The following RBFOX1 variants were observed in gnomAD, a reference collection of about 807,000 sequenced individuals.
The protein encoded by RBFOX1 is RNA binding protein fox-1 homolog 1.
A neutral mutation model predicts 57.7 loss-of-function variants in RBFOX1; 8 were observed. The ratio of observed to expected loss-of-function variants is 0.14; its 90% CI spans 0.08 to 0.25. The LOEUF is 0.25. Among genes scored for constraint, RBFOX1 ranks in the 10% least tolerant of loss-of-function variants. RBFOX1 has a pLI of 1.00. For missense variants in RBFOX1, 611 were observed against 548.5 expected (o/e 1.11, Z -1.14); for synonymous variants, 326 against 222.4 (o/e 1.47, Z -4.15).
At chr16:7,565,196 C>A (rs1457014517) in intron 5 of RBFOX1, among the ~76,000 whole-genome samples, 1 of 151,992 alleles carries the variant, frequency 6.6e-6, no homozygotes, top group African/African-American at 2.4e-5. Context: ...CACAATCTTG[C>A]TTCGTTTTAA....
chr16:6,961,269 C>T (rs1237518218), intron 3 of RBFOX1, among the ~76,000 whole-genome samples: 1 of 152,158 alleles, frequency 6.6e-6, no homozygotes, highest in East Asian at 1.9e-4. Context: ...CCTGGGGAGA[C>T]CCCACCAGAG....
chr16:5,542,503 C>T (rs775026850), intron 2 of RBFOX1, among the ~76,000 whole-genome samples: 2 of 151,706 alleles, frequency 1.3e-5, no homozygotes, highest in Non-Finnish European at 2.9e-5. Flanking sequence ...GTGATCCACC[C>T]GCCTCGGCCT....
At chr16:7,101,697 G>A (rs563092610) in intron 4 of RBFOX1, among the ~76,000 whole-genome samples, 5 of 152,234 alleles carry the variant, frequency 3.3e-5, no homozygotes, top group African/African-American at 1.2e-4. Context: ...TTCAAGTAGG[G>A]TGATTTTTTA....
At chr16:7,453,303 G>A (rs1242926736) in intron 4 of RBFOX1, among the ~76,000 whole-genome samples, 1 of 152,060 alleles carries the variant, frequency 6.6e-6, no homozygotes, top group East Asian at 1.9e-4. Flanking sequence ...AGATCCTGTG[G>A]TAGGAAGGAC....
chr16:7,504,737 A>ATT (rs1555526321), intron 4 of RBFOX1, among the ~76,000 whole-genome samples: 443 of 6,462 alleles, frequency 0.069, 20 homozygotes, highest in Non-Finnish European at 0.16. Flanking sequence ...ATATATATAT[A>ATT]TATATATATA....
intron 3 of RBFOX1, among the ~76,000 whole-genome samples, chr16:6,655,407 C>G (rs1246056095): frequency 3.1e-5 from 2 of 64,302 alleles, no homozygotes; most frequent in South Asian, 5.3e-4. Flanking sequence ...AAAAAAAGAG[C>G]TCGCGCTCAA....
intron 1 of RBFOX1, among the ~76,000 whole-genome samples, chr16:6,176,242 T>G (rs34881674): frequency 0.13 from 20,076 of 151,526 alleles, 2,067 homozygotes; most frequent in African/African-American, 0.28. Context: ...GCCTCCCCAG[T>G]TCAAGTAATT....
intron 4 of RBFOX1, among the ~76,000 whole-genome samples, chr16:5,989,594 G>A (rs1420721382): frequency 1.3e-5 from 2 of 152,058 alleles, no homozygotes; most frequent in Non-Finnish European, 2.9e-5. Context: ...GGGTGCTGGC[G>A]ATGTGGGTGG....
chr16:7,653,142 G>A (rs781080354), intron 11 of RBFOX1, among the ~76,000 whole-genome samples: 38 of 152,250 alleles, frequency 2.5e-4, no homozygotes, highest in Non-Finnish European at 4.6e-4. Context: ...AAATACACCT[G>A]TACATATATA....
At chr16:5,588,242 G>C (rs1425761083) in intron 2 of RBFOX1, among the ~76,000 whole-genome samples, 1 of 152,154 alleles carries the variant, frequency 6.6e-6, no homozygotes, top group Non-Finnish European at 1.5e-5. Flanking sequence ...AGGTGATGGA[G>C]TTTCATGGTG....
intron 5 of RBFOX1, among the ~76,000 whole-genome samples, chr16:7,544,059 C>G (rs1338469392): frequency 6.6e-6 from 1 of 152,114 alleles, no homozygotes; most frequent in Non-Finnish European, 1.5e-5. Flanking sequence ...ATTTGTCTTC[C>G]CAATGACTTT....
chr16:6,952,462 C>G (rs963655264), intron 3 of RBFOX1, among the ~76,000 whole-genome samples: 1 of 151,914 alleles, frequency 6.6e-6, no homozygotes, highest in Non-Finnish European at 1.5e-5. Flanking sequence ...GCCTGGGCCA[C>G]GTATTAAGAC....
chr16:6,516,263 A>G (rs1411994111), intron 2 of RBFOX1, among the ~76,000 whole-genome samples: 1 of 152,178 alleles, frequency 6.6e-6, no homozygotes, highest in Non-Finnish European at 1.5e-5. Context: ...TCCTGACCTC[A>G]GGTGAGACTT....
intron 3 of RBFOX1, among the ~76,000 whole-genome samples, chr16:6,762,473 G>T (rs907779319): frequency 6.6e-6 from 1 of 152,014 alleles, no homozygotes; most frequent in Non-Finnish European, 1.5e-5. Context: ...AAAAGAAAAG[G>T]TGTGAATTTT....
intron 2 of RBFOX1, among the ~76,000 whole-genome samples, chr16:6,629,850 A>G (rs2098360925): frequency 6.6e-6 from 1 of 151,160 alleles, no homozygotes; most frequent in African/African-American, 2.4e-5. Context: ...TTTATTTTTT[A>G]TTCTTCTCAT....
At position 7,653,915 on chromosome 16, in the gene RBFOX1, G is replaced by A. The variant is rs1060504700; in HGVS notation, c.858G>A (p.Ala286=). 3.2e-6 allele frequency: 5 copies of A among 1,572,878 alleles called. No homozygotes were observed. Among genetic ancestry groups the A allele is most frequent in the East Asian group, 2.3e-5 (1 of 43,898 alleles). ...GRTVYNTFRA[A]APPPPIPAYG... ...CCGTGTACAACACCTTCAGGGCCGC[G>A]GCGCCCCCGCCCCCGATCCCGGCCT... Residue 286 remains alanine (A), a synonymous_variant, in exon 12 of 16, where the codon GCG becomes GCA. Transcript: ENST00000550418.
chr16:7,529,573 T>G (rs921194591), intron 5 of RBFOX1, among the ~76,000 whole-genome samples: 11 of 152,228 alleles, frequency 7.2e-5, no homozygotes, highest in Non-Finnish European at 8.8e-5. Flanking sequence ...TGCAAATGTT[T>G]AGATTTCTTT....
rs149823777 is a variant in RBFOX1 at position 6,002,878 on chromosome 16, C to G, written c.351+135543C>G. Among the ~76,000 whole-genome samples the G allele has an allele frequency of 2.3e-3, 344 of 152,070 alleles. 1 individual carries two copies. The highest frequency in any genetic ancestry group is 7.9e-3 in the African/African-American group (326 of 41,490). ...GTGTGTTAAATATCCTCTGTGGTAT[C>G]TGAGATATGCACTCTACACATACTT... On this transcript the variant is annotated intron_variant, in intron 4 of 19. Coordinates refer to the RBFOX1 transcript ENST00000641259.
intron 4 of RBFOX1, among the ~76,000 whole-genome samples, chr16:7,127,267 A>G (rs968957538): frequency 6.6e-6 from 1 of 152,204 alleles, no homozygotes; most frequent in Non-Finnish European, 1.5e-5. Flanking sequence ...TGTTGTCAGC[A>G]ATATGTAATA....
Sources: allele counts gnomAD v4.1 joint callset (sites outside exome capture counted in the v4.1 genomes callset), GRCh38; gene constraint gnomAD v4.1.1; transcripts MANE v1.5; gene names NCBI Gene and HGNC (gene_info 2026-07-23, HGNC 2026-07-21).